The following ACAP2 variants were observed in gnomAD, a reference collection of about 807,000 sequenced individuals.
ACAP2 encodes the protein ArfGAP with coiled-coil, ankyrin repeat and PH domains 2.
In ACAP2, 39 loss-of-function variants were observed where a neutral mutation model predicts 115.8. That is an observed-to-expected ratio of 0.34 (90% CI 0.26 to 0.44). The LOEUF (loss-of-function observed/expected upper bound fraction) is 0.44, where lower values mean the gene tolerates loss of function less well. Among genes scored for constraint, ACAP2 ranks in the 20% least tolerant of loss-of-function variants. ACAP2 has a pLI of 1.00. For synonymous variants in ACAP2, 289 were observed against 315.8 expected (o/e 0.92, Z 0.90); for missense variants, 662 against 927.6 (o/e 0.71, Z 3.72).
chr3:195,438,409 TC>T (rs1222340058), intron 1 of ACAP2, among the ~76,000 whole-genome samples: 1 of 151,588 alleles, frequency 6.6e-6, no homozygotes, highest in Non-Finnish European at 1.5e-5. Context: ...AAAAAAAATT[TC>T]CCCTCAGCCC....
At chr3:195,360,461 G>T (rs1560285532) in intron 4 of ACAP2, among the ~76,000 whole-genome samples, 1 of 152,170 alleles carries the variant, frequency 6.6e-6, no homozygotes. Context: ...GCACTGGACA[G>T]ATCATCCAGA....
At chr3:195,422,979 ATGAACCTTGATGG>A (rs1426862983) in intron 1 of ACAP2, among the ~76,000 whole-genome samples, 1 of 152,184 alleles carries the variant, frequency 6.6e-6, no homozygotes, top group Non-Finnish European at 1.5e-5. Flanking sequence ...AACCCACTCC[ATGAACCTTGATGG>A]AATACTGATT....
Position 195,285,798 on chromosome 3 carries a change from G to T in ACAP2, c.2234C>A (p.Pro745Gln), listed in dbSNP as rs1577232859. 1.9e-6 allele frequency: 3 copies of T among 1,610,654 alleles called. No individual in the cohort carries two copies. The highest frequency in any genetic ancestry group is 2.2e-5 in the East Asian group (1 of 44,810). Residue 745 changes from proline to glutamine, a missense_variant and splice_region_variant, in exon 22 of 23, where the codon CCA becomes CAA. Around this residue, in one of 3 missense-constraint regions of ACAP2, gnomAD observed 128 missense variants for 200.2 expected, o/e 0.64. Transcript: ENST00000326793. ...ATGGTTATTAGTAGAATATTGACCT[G>T]GCTGTCCATAAAGTCCTTCTGATTC... ...MRESEGLYGQ[P>Q]GDETYQDIFR...
chr3:195,295,110 G>T, intron 17 of ACAP2: 2 of 679,856 alleles, frequency 2.9e-6, no homozygotes, highest in Non-Finnish European at 4.4e-6. Context: ...GTAATTCTGA[G>T]ACAATGGGTA....
At chr3:195,413,561 C>T (rs1162431461) in intron 1 of ACAP2, among the ~76,000 whole-genome samples, 1 of 151,914 alleles carries the variant, frequency 6.6e-6, no homozygotes, top group Non-Finnish European at 1.5e-5. Flanking sequence ...CCAGCCTGTC[C>T]AACATTGCGA....
At chr3:195,306,381 T>G in intron 13 of ACAP2, 130 bp downstream of exon 13, 1 of 509,390 alleles carries the variant, frequency 2.0e-6, no homozygotes, top group Non-Finnish European at 3.4e-6. Flanking sequence ...ATCCAGATTT[T>G]AAAAATAAAA....
chr3:195,394,931 T>G (rs557473719), intron 1 of ACAP2, among the ~76,000 whole-genome samples: 1 of 144,408 alleles, frequency 6.9e-6, no homozygotes, highest in South Asian at 2.2e-4. Context: ...TTTTTTTTTT[T>G]TTTTAAAGTA....
intron 1 of ACAP2, among the ~76,000 whole-genome samples, chr3:195,441,016 A>AT (rs1715949655): frequency 6.6e-6 from 1 of 152,160 alleles, no homozygotes; most frequent in Non-Finnish European, 1.5e-5. Flanking sequence ...CTTAATCAGT[A>AT]TGTTGCCCTC....
intron 9 of ACAP2, among the ~76,000 whole-genome samples, chr3:195,325,267 A>G (rs1435763981): frequency 1.3e-5 from 2 of 152,222 alleles, no homozygotes; most frequent in African/African-American, 4.8e-5. Context: ...ACTCCTAGGT[A>G]TAAATACATG....
chr3:195,407,202 A>T (rs886268966), intron 1 of ACAP2, among the ~76,000 whole-genome samples: 7 of 33,654 alleles, frequency 2.1e-4, no homozygotes, highest in African/African-American at 1.6e-3. Context: ...TTTTAGTTTA[A>T]AAAAAAAAAA....
Position 195,301,061 on chromosome 3 carries a change from A to G in ACAP2, c.1395+514T>C, listed in dbSNP as rs113566163. Among the ~76,000 whole-genome samples, 63 of 152,110 alleles carry G rather than the reference A, an allele frequency of 4.1e-4. No homozygotes were observed. The Middle Eastern group carries it at 0.017, about 41-fold the overall frequency. On this transcript the variant is annotated intron_variant, in intron 15 of 22. Transcript: ENST00000326793. The stretch of plus-strand genomic sequence containing the variant: ...ACTAACCTGGAGTTAAGAGTGCTAT[A>G]TATAAATATAGCCTTTTTTTTTTCT...
intron 22 of ACAP2, among the ~76,000 whole-genome samples, chr3:195,283,129 G>T (rs1436572773): frequency 1.3e-5 from 2 of 152,132 alleles, no homozygotes; most frequent in Non-Finnish European, 2.9e-5. Context: ...TTCTCAACTG[G>T]CTGAGAGCCT....
At chr3:195,428,345 TATACAC>T (rs765421853) in intron 1 of ACAP2, among the ~76,000 whole-genome samples, 35 of 135,736 alleles carry the variant, frequency 2.6e-4, no homozygotes, top group African/African-American at 8.9e-4. Flanking sequence ...TGTATATATA[TATACAC>T]ACACACACAC....
intron 1 of ACAP2, among the ~76,000 whole-genome samples, chr3:195,418,194 T>C (rs926020990): frequency 2.0e-5 from 3 of 152,200 alleles, no homozygotes; most frequent in South Asian, 2.1e-4. Flanking sequence ...CACCTGTCAA[T>C]TTAAATATTC....
intron 1 of ACAP2, among the ~76,000 whole-genome samples, chr3:195,404,658 T>TAC (rs1156759203): frequency 1.3e-5 from 2 of 150,704 alleles, no homozygotes; most frequent in African/African-American, 4.9e-5. Flanking sequence ...TATTGCCATA[T>TAC]ATACACACAC....
chr3:195,342,372 A>G, intron 6 of ACAP2, 99 bp downstream of exon 6: 2 of 1,195,180 alleles, frequency 1.7e-6, no homozygotes, highest in South Asian at 3.9e-5. Flanking sequence ...CTTTAAGTTC[A>G]GAGTAAAAGT....
chr3:195,345,471 T>C (rs565855418), intron 4 of ACAP2, among the ~76,000 whole-genome samples, 154 bp from the exon 5 acceptor site: 2 of 152,294 alleles, frequency 1.3e-5, no homozygotes, highest in African/African-American at 4.8e-5. Context: ...CATTTAAAAA[T>C]AGAACCCAAA....
chr3:195,344,355 T>A (rs1731061100), intron 5 of ACAP2, among the ~76,000 whole-genome samples: 1 of 152,194 alleles, frequency 6.6e-6, no homozygotes. Flanking sequence ...TAATAAACTT[T>A]AATTTTATAT....
At chr3:195,365,392 A>T (rs1396259816) in intron 4 of ACAP2, among the ~76,000 whole-genome samples, 1 of 152,184 alleles carries the variant, frequency 6.6e-6, no homozygotes, top group African/African-American at 2.4e-5. Flanking sequence ...ATACACACCT[A>T]CTATGCACCC....
Sources: gnomAD v4.1 joint callset for allele counts (sites outside exome capture counted in the v4.1 genomes callset) on GRCh38, gnomAD v4.1.1 for gene constraint, gnomAD v4.1.1 regional missense constraint, MANE v1.5 for transcripts, NCBI Gene and HGNC (gene_info 2026-07-23, HGNC 2026-07-21) for gene names.